The following BNC2 variants were observed in gnomAD, a reference collection of about 807,000 sequenced individuals.
BNC2 encodes the protein zinc finger protein basonuclin-2.
BNC2 carries 20 observed loss-of-function variants against 76.3 expected under a neutral mutation model. The observed-to-expected ratio is 0.26, with a 90% CI of 0.18 to 0.38. BNC2 has a LOEUF of 0.38. Ranked by LOEUF, BNC2 falls within the 10% of genes least tolerant of loss-of-function variation. The pLI is 1.00. For synonymous variants in BNC2, 582 were observed against 514.8 expected, an observed-to-expected ratio of 1.13 and a Z score of -1.77; for missense variants, 1,382 against 1,399.8, an observed-to-expected ratio of 0.99 and a Z score of 0.20.
At chr9:16,763,542 C>T (rs549453693) in intron 1 of BNC2, among the ~76,000 whole-genome samples, 3 of 152,048 alleles carry the variant, frequency 2.0e-5, no homozygotes, top group South Asian at 2.1e-4. Context: ...TGCACTCCAG[C>T]CTGAGTGACA....
At chr9:16,777,240 T>C (rs61296532) in intron 1 of BNC2, among the ~76,000 whole-genome samples, 2 of 152,126 alleles carry the variant, frequency 1.3e-5, no homozygotes, top group East Asian at 1.9e-4. Context: ...CCAAGGTAAA[T>C]GGATGTGGGG....
chr9:16,628,108 G>A (rs766838563), intron 3 of BNC2, among the ~76,000 whole-genome samples: 2 of 152,052 alleles, frequency 1.3e-5, no homozygotes, highest in Non-Finnish European at 2.9e-5. Flanking sequence ...AAAAACATAC[G>A]GTTCCAACTA....
chr9:16,506,475 T>C (rs1822626166), intron 5 of BNC2, among the ~76,000 whole-genome samples: 1 of 148,258 alleles, frequency 6.7e-6, no homozygotes, highest in African/African-American at 2.5e-5. Flanking sequence ...CTACCCTTAC[T>C]GGATCAGATA....
At chr9:16,778,041 A>C (rs1826018022) in intron 1 of BNC2, among the ~76,000 whole-genome samples, 1 of 152,262 alleles carries the variant, frequency 6.6e-6, no homozygotes, top group Admixed American at 6.5e-5. Context: ...AAAGACTAGA[A>C]AAGTATAAAC....
chr9:16,647,478 T>C (rs1178999701), intron 3 of BNC2, among the ~76,000 whole-genome samples: 2 of 152,138 alleles, frequency 1.3e-5, no homozygotes. Flanking sequence ...GGTAGCCAAA[T>C]GGAAGATAAT....
intron 1 of BNC2, among the ~76,000 whole-genome samples, chr9:16,745,182 G>A (rs1034974414): frequency 9.2e-5 from 14 of 152,142 alleles, no homozygotes; most frequent in African/African-American, 2.9e-4. Flanking sequence ...GTAGCCAAGC[G>A]CCTAGCATAC....
intron 1 of BNC2, among the ~76,000 whole-genome samples, chr9:16,863,316 A>G (rs1819459879): frequency 6.6e-6 from 1 of 152,228 alleles, no homozygotes; most frequent in South Asian, 2.1e-4. Flanking sequence ...CCTGGGGGAA[A>G]GACTATGAAA....
intron 3 of BNC2, among the ~76,000 whole-genome samples, chr9:16,622,887 TA>T (rs1416979570): frequency 6.6e-6 from 1 of 152,174 alleles, no homozygotes; most frequent in Admixed American, 6.6e-5. Context: ...AAAACCTTAT[TA>T]TTTTTATTTC....
intron 3 of BNC2, among the ~76,000 whole-genome samples, chr9:16,610,358 A>G (rs1039823839): frequency 2.0e-5 from 3 of 152,210 alleles, no homozygotes; most frequent in African/African-American, 7.2e-5. Flanking sequence ...AGGAACGGCC[A>G]GTGAGTAACA....
intron 1 of BNC2, among the ~76,000 whole-genome samples, chr9:16,778,922 C>T (rs143286753): frequency 3.1e-4 from 47 of 152,074 alleles, no homozygotes; most frequent in African/African-American, 1.0e-3. Flanking sequence ...TAACATAAAA[C>T]GATATTTTTA....
intron 1 of BNC2, among the ~76,000 whole-genome samples, chr9:16,752,166 G>T (rs1394322400): frequency 6.7e-6 from 1 of 149,794 alleles, no homozygotes; most frequent in East Asian, 2.0e-4. Flanking sequence ...AAGATAAACT[G>T]GGTTTACATT....
intron 5 of BNC2, among the ~76,000 whole-genome samples, chr9:16,506,471 T>C (rs1001241990): frequency 2.0e-5 from 3 of 148,212 alleles, no homozygotes; most frequent in Non-Finnish European, 4.5e-5. Context: ...TTATCTACCC[T>C]TACTGGATCA....
intron 1 of BNC2, among the ~76,000 whole-genome samples, chr9:16,782,882 G>A (rs2135566344): frequency 6.6e-6 from 1 of 152,300 alleles, no homozygotes; most frequent in East Asian, 1.9e-4. Flanking sequence ...ATTAATGAAT[G>A]AGTGAGTAAG....
chr9:16,827,530 G>T (rs112399426), intron 1 of BNC2, among the ~76,000 whole-genome samples: 179 of 152,246 alleles, frequency 1.2e-3, no homozygotes, highest in African/African-American at 4.3e-3. Flanking sequence ...CTAGAATCCG[G>T]AGAACTCAGT....
chr9:16,797,896 T>G (rs565218444), intron 1 of BNC2, among the ~76,000 whole-genome samples: 20 of 152,198 alleles, frequency 1.3e-4, no homozygotes, highest in African/African-American at 4.8e-4. Flanking sequence ...AAGGAAAGTA[T>G]GGGATATCCA....
At chr9:16,864,582 A>G (rs1453888492) in intron 1 of BNC2, among the ~76,000 whole-genome samples, 1 of 152,168 alleles carries the variant, frequency 6.6e-6, no homozygotes, top group African/African-American at 2.4e-5. Flanking sequence ...GGTCTTTGCA[A>G]TAACTCCTAC....
intron 1 of BNC2, among the ~76,000 whole-genome samples, chr9:16,810,789 A>G (rs1283771379): frequency 6.6e-6 from 1 of 152,194 alleles, no homozygotes; most frequent in Non-Finnish European, 1.5e-5. Context: ...TCAGAGTTCC[A>G]TGGGAATGTA....
intron 4 of BNC2, among the ~76,000 whole-genome samples, chr9:16,572,749 C>T (rs953198534): frequency 2.6e-5 from 4 of 152,172 alleles, no homozygotes; most frequent in African/African-American, 4.8e-5. Context: ...GTGCAGCAAG[C>T]GTCAAAGTAC....
At chr9:16,677,123 G>A (rs775466935) in intron 3 of BNC2, among the ~76,000 whole-genome samples, 52 of 152,154 alleles carry the variant, frequency 3.4e-4, no homozygotes, top group Non-Finnish European at 1.0e-4. Context: ...CCACAAGCTA[G>A]TAAAAGTAAT....
Sources: allele counts gnomAD v4.1 joint callset (sites outside exome capture counted in the v4.1 genomes callset), GRCh38; gene constraint gnomAD v4.1.1; transcripts MANE v1.5; gene names NCBI Gene and HGNC (gene_info 2026-07-23, HGNC 2026-07-21).